BTBD9: variants seen among roughly 807,000 people sequenced by gnomAD.
BTBD9 encodes BTB/POZ domain-containing protein 9.
A neutral mutation model predicts 64.3 loss-of-function variants in BTBD9; 49 were observed. That is an observed-to-expected ratio of 0.76 (90% CI 0.61 to 0.97). The LOEUF (loss-of-function observed/expected upper bound fraction) is 0.97. BTBD9 is among the 50% of genes least tolerant of loss of function. The pLI, the probability that BTBD9 is intolerant of heterozygous loss-of-function variation, is 0.00. For missense variants in BTBD9, 598 were observed against 762.1 expected (o/e 0.78, Z 2.53); for synonymous variants, 260 against 274.7 (o/e 0.95, Z 0.53).
At chr6:38,292,252 C>T (rs754235955) in intron 7 of BTBD9, among the ~76,000 whole-genome samples, 7 of 152,196 alleles carry the variant, frequency 4.6e-5, no homozygotes, top group Non-Finnish European at 1.0e-4. Context: ...GCATGAGCCA[C>T]CACGCCCGGC....
chr6:38,491,238 C>G (rs962595532), intron 6 of BTBD9, among the ~76,000 whole-genome samples: 1 of 152,190 alleles, frequency 6.6e-6, no homozygotes. Flanking sequence ...GTGGAAATAC[C>G]CGCAAACACA....
At chr6:38,567,400 T>A (rs991687708) in intron 6 of BTBD9, among the ~76,000 whole-genome samples, 1 of 152,204 alleles carries the variant, frequency 6.6e-6, no homozygotes, top group Non-Finnish European at 1.5e-5. Flanking sequence ...AATTATTAAC[T>A]AATGAAATTA....
intron 6 of BTBD9, among the ~76,000 whole-genome samples, chr6:38,516,783 T>A (rs973339657): frequency 2.0e-5 from 3 of 151,920 alleles, no homozygotes; most frequent in Non-Finnish European, 2.9e-5. Flanking sequence ...ATGGAAAAAA[T>A]AAAGAGATAT....
At chr6:38,621,777 C>A (rs1777991167) in intron 1 of BTBD9, among the ~76,000 whole-genome samples, 1 of 152,150 alleles carries the variant, frequency 6.6e-6, no homozygotes. Context: ...TCATACCCTG[C>A]CAAAGCCATC....
At position 38,560,521 on chromosome 6, in the gene BTBD9, T is replaced by G. The variant is rs191836818; in HGVS notation, c.1154+17079A>C. Among the ~76,000 whole-genome samples, 237 of 152,336 alleles carry G rather than the reference T, an allele frequency of 1.6e-3. 1 individual carries two copies. Among genetic ancestry groups the G allele is most frequent in the Non-Finnish European group, 2.8e-3 (191 of 68,020 alleles). On this transcript the variant is annotated intron_variant, in intron 6 of 10. Coordinates refer to ENST00000481247, the MANE Select transcript of BTBD9 (RefSeq NM_001099272.2). The stretch of plus-strand genomic sequence containing the variant: ...TAACATTACTGCTAAATATAATCCT[T>G]TATATAAACATTTTTAAAACTACAC...
chr6:38,479,396 T>C (rs1312277047), intron 6 of BTBD9, among the ~76,000 whole-genome samples: 1 of 152,178 alleles, frequency 6.6e-6, no homozygotes, highest in Non-Finnish European at 1.5e-5. Flanking sequence ...AAAAAATCAT[T>C]TCCTCAATGT....
Position 38,391,799 on chromosome 6 carries a change from G to T in BTBD9, c.1155-46706C>A, listed in dbSNP as rs1340908992. On this transcript the variant is annotated intron_variant, in intron 6 of 10. Coordinates refer to ENST00000481247, the MANE Select transcript of BTBD9 (RefSeq NM_001099272.2). The stretch of plus-strand genomic sequence containing the variant: ...AAAATGAAGTAAAGCGAAAAGGCAG[G>T]TGGCTCCCGAACAGGCAGCTGGGTT... Among the ~76,000 whole-genome samples the T allele has an allele frequency of 1.3e-5, 2 of 152,150 alleles. 1 individual carries two copies. Among genetic ancestry groups the T allele is most frequent in the Middle Eastern group, 6.3e-3 (2 of 316 alleles).
intron 9 of BTBD9, among the ~76,000 whole-genome samples, chr6:38,239,082 T>C (rs1763899241): frequency 6.6e-6 from 1 of 152,116 alleles, no homozygotes; most frequent in Non-Finnish European, 1.5e-5. Context: ...AAAGGCCCTC[T>C]TCCTCTCTCA....
chr6:38,504,139 C>T (rs185944214), intron 6 of BTBD9, among the ~76,000 whole-genome samples: 1 of 152,280 alleles, frequency 6.6e-6, no homozygotes, highest in African/African-American at 2.4e-5. Context: ...ATCATACATG[C>T]CTGGCAAACT....
At chr6:38,492,106 G>A (rs1040172114) in intron 6 of BTBD9, among the ~76,000 whole-genome samples, 3 of 152,058 alleles carry the variant, frequency 2.0e-5, no homozygotes, top group African/African-American at 7.2e-5. Flanking sequence ...GAGAAAATGG[G>A]CCCACAGAAA....
intron 6 of BTBD9, among the ~76,000 whole-genome samples, chr6:38,370,721 C>T (rs1765384349): frequency 6.6e-6 from 1 of 152,202 alleles, no homozygotes; most frequent in African/African-American, 2.4e-5. Context: ...AAAGATGCTA[C>T]AGCAGCACAA....
chr6:38,614,269 G>A (rs754152174), intron 1 of BTBD9, among the ~76,000 whole-genome samples: 2 of 151,928 alleles, frequency 1.3e-5, no homozygotes, highest in Non-Finnish European at 2.9e-5. Flanking sequence ...CCCCATCACC[G>A]CCCCTATCAT....
chr6:38,314,840 T>C (rs1360788598), intron 7 of BTBD9, among the ~76,000 whole-genome samples: 1 of 152,154 alleles, frequency 6.6e-6, no homozygotes, highest in East Asian at 1.9e-4. Context: ...TTCGTATTCA[T>C]CTCTGATTAA....
In BTBD9 at chr6:38,301,518, A is replaced by C. The variant is rs543959470; in HGVS notation, c.1265-13057T>G. 4.6e-5 allele frequency among the ~76,000 whole-genome samples: 7 copies of C among 152,252 alleles called. No homozygotes were observed. In the South Asian group the frequency reaches 1.0e-3, roughly 23 times the overall value. Reference sequence around the variant, plus strand: ...ACTTTTTTTGGTTGGTAAGCTATTAATTATTGCCTCAATTTCAGAGCCTGT... The same window carrying C: ...ACTTTTTTTGGTTGGTAAGCTATTACTTATTGCCTCAATTTCAGAGCCTGT... On this transcript the variant is annotated intron_variant, in intron 7 of 10. Transcript: ENST00000481247.
intron 6 of BTBD9, among the ~76,000 whole-genome samples, chr6:38,486,007 G>T (rs1771386480): frequency 6.6e-6 from 1 of 152,206 alleles, no homozygotes; most frequent in African/African-American, 2.4e-5. Context: ...ACAAGCAGCT[G>T]CTGCTTCTTC....
chr6:38,584,769 A>G (rs890869950), intron 4 of BTBD9, among the ~76,000 whole-genome samples: 1 of 152,138 alleles, frequency 6.6e-6, no homozygotes, highest in Non-Finnish European at 1.5e-5. Context: ...CAAGAACTGC[A>G]GCATTACAAG....
intron 6 of BTBD9, among the ~76,000 whole-genome samples, chr6:38,390,440 T>C (rs1323539035): frequency 6.6e-6 from 1 of 152,210 alleles, no homozygotes; most frequent in Non-Finnish European, 1.5e-5. Flanking sequence ...GTGAGACCCC[T>C]GGCATAAAGT....
intron 10 of BTBD9, among the ~76,000 whole-genome samples, chr6:38,191,754 G>A (rs1482197097): frequency 6.6e-6 from 1 of 152,256 alleles, no homozygotes; most frequent in Non-Finnish European, 1.5e-5. Context: ...TGGCAGGAAG[G>A]TGGGAAGGGG....
intron 8 of BTBD9, among the ~76,000 whole-genome samples, chr6:38,276,782 A>G (rs907857301): frequency 1.2e-4 from 19 of 152,216 alleles, no homozygotes; most frequent in African/African-American, 2.4e-5. Context: ...AAAAAAATCT[A>G]TCACTTCATT....
Sources: gnomAD v4.1 joint callset for allele counts (sites outside exome capture counted in the v4.1 genomes callset) on GRCh38, gnomAD v4.1.1 for gene constraint, MANE v1.5 for transcripts, NCBI Gene and HGNC (gene_info 2026-07-23, HGNC 2026-07-21) for gene names.